NTM: variants seen among roughly 807,000 people sequenced by gnomAD.
NTM encodes the protein neurotrimin, also known as IgLON family member 2.
In NTM, 13 loss-of-function variants were observed where a neutral mutation model predicts 42.1. The observed-to-expected ratio is 0.31, with a 90% CI of 0.20 to 0.49. NTM has a LOEUF of 0.49. Among genes scored for constraint, NTM ranks in the 20% least tolerant of loss-of-function variants. The pLI, the probability that NTM is intolerant of heterozygous loss-of-function variation, is 0.99. For synonymous variants in NTM, 187 were observed against 179.2 expected, an observed-to-expected ratio of 1.04 and a Z score of -0.35; for missense variants, 373 against 452.8, an observed-to-expected ratio of 0.82 and a Z score of 1.60.
chr11:132,098,987 T>C (rs181727763), intron 2 of NTM, among the ~76,000 whole-genome samples: 1 of 152,378 alleles, frequency 6.6e-6, no homozygotes, highest in East Asian at 1.9e-4. Flanking sequence ...TTTTGTCTTC[T>C]TTATAAAAGG....
chr11:131,777,675 C>A (rs1406459778), intron 1 of NTM, among the ~76,000 whole-genome samples: 1 of 151,934 alleles, frequency 6.6e-6, no homozygotes, highest in Non-Finnish European at 1.5e-5. Flanking sequence ...CAGCAAGTTC[C>A]CTCTAGTTTC....
chr11:131,498,879 CG>C (rs1167336405), intron 1 of NTM, among the ~76,000 whole-genome samples: 1 of 152,182 alleles, frequency 6.6e-6, no homozygotes, highest in African/African-American at 2.4e-5. Flanking sequence ...GCTCATGCCA[CG>C]GGGACTTCTG....
rs1403558224 is a variant in NTM, at chr11:131,698,960, G to C, written c.83-212604G>C. 2.6e-5 allele frequency among the ~76,000 whole-genome samples: 4 copies of C among 152,204 alleles called. No homozygotes were observed. In the East Asian group the frequency reaches 7.7e-4, roughly 29 times the overall value. ...TGTGGTCTTTGGAGCCATGAATGGA[G>C]AATTAGGGAATTAGGGAAACATGAG... On this transcript the variant is annotated intron_variant, in intron 1 of 8. Transcript: ENST00000683400.
chr11:131,560,689 A>G (rs887413160), intron 1 of NTM, among the ~76,000 whole-genome samples: 3 of 152,254 alleles, frequency 2.0e-5, no homozygotes, highest in African/African-American at 7.2e-5. Context: ...CATCTCAATA[A>G]GCACAACCAT....
chr11:131,585,099 G>A (rs138057007), intron 1 of NTM, among the ~76,000 whole-genome samples: 1 of 152,332 alleles, frequency 6.6e-6, no homozygotes, highest in East Asian at 1.9e-4. Flanking sequence ...TGGACGGATG[G>A]GAGGAGGAGG....
intron 3 of NTM, among the ~76,000 whole-genome samples, chr11:132,157,842 T>G (rs1366666597): frequency 1.3e-5 from 2 of 152,212 alleles, no homozygotes; most frequent in Non-Finnish European, 2.9e-5. Flanking sequence ...GTGGCTCATG[T>G]GAAAGCTGCA....
chr11:132,321,646 G>A (rs1424130603), intron 7 of NTM, among the ~76,000 whole-genome samples: 11 of 152,122 alleles, frequency 7.2e-5, no homozygotes, highest in Non-Finnish European at 1.6e-4. Flanking sequence ...TAGCAAGGCA[G>A]GCCAACATTC....
chr11:132,066,857 T>C (rs2056579295), intron 2 of NTM, among the ~76,000 whole-genome samples: 1 of 152,216 alleles, frequency 6.6e-6, no homozygotes, highest in South Asian at 2.1e-4. Context: ...TAATTGCATC[T>C]GTAAATTACC....
chr11:131,777,141 A>G (rs539925962), intron 1 of NTM: 2 of 787,756 alleles, frequency 2.5e-6, no homozygotes, highest in South Asian at 5.8e-5. Flanking sequence ...TATATATTGC[A>G]TATAACATCT....
intron 1 of NTM, among the ~76,000 whole-genome samples, chr11:131,890,510 C>T (rs1053617845): frequency 6.6e-6 from 1 of 152,164 alleles, no homozygotes; most frequent in Admixed American, 6.5e-5. Flanking sequence ...CTCATGAGCG[C>T]TCTCCTTTTT....
At chr11:131,886,317 A>G (rs939527578) in intron 1 of NTM, among the ~76,000 whole-genome samples, 2 of 152,146 alleles carry the variant, frequency 1.3e-5, no homozygotes, top group Non-Finnish European at 2.9e-5. Context: ...AGGGCCTTGG[A>G]CCTCCTGGCT....
chr11:131,654,466 C>A (rs2066917316), intron 1 of NTM, among the ~76,000 whole-genome samples: 1 of 151,990 alleles, frequency 6.6e-6, no homozygotes, highest in South Asian at 2.1e-4. Context: ...TCTCAGGGTT[C>A]CATCTAATGC....
At chr11:131,644,410 C>T (rs2065517312) in intron 1 of NTM, among the ~76,000 whole-genome samples, 1 of 152,152 alleles carries the variant, frequency 6.6e-6, no homozygotes, top group African/African-American at 2.4e-5. Context: ...AGGGAGTTTC[C>T]CATTCTGTTC....
At chr11:131,822,012 A>G (rs909078788) in intron 1 of NTM, among the ~76,000 whole-genome samples, 3 of 152,178 alleles carry the variant, frequency 2.0e-5, no homozygotes, top group Non-Finnish European at 4.4e-5. Flanking sequence ...TCCTTCCTTT[A>G]TCAATAAAAG....
chr11:131,385,519 A>G (rs1744916138), intron 1 of NTM, among the ~76,000 whole-genome samples: 1 of 152,146 alleles, frequency 6.6e-6, no homozygotes, highest in Non-Finnish European at 1.5e-5. Context: ...GGGAATGTAA[A>G]GTGATGCAAC....
At chr11:131,626,450 A>C (rs917906713) in intron 1 of NTM, among the ~76,000 whole-genome samples, 7 of 152,216 alleles carry the variant, frequency 4.6e-5, no homozygotes, top group African/African-American at 1.7e-4. Context: ...AATACATAGT[A>C]GTTGCTGATT....
chr11:132,005,178 A>C (rs1052397536), intron 2 of NTM, among the ~76,000 whole-genome samples: 1 of 152,172 alleles, frequency 6.6e-6, no homozygotes, highest in Non-Finnish European at 1.5e-5. Flanking sequence ...GGTCCCATGC[A>C]TGGAGATTGT....
chr11:132,329,086 T>C (rs911117832), intron 7 of NTM, among the ~76,000 whole-genome samples: 3 of 152,160 alleles, frequency 2.0e-5, no homozygotes, highest in African/African-American at 7.2e-5. Flanking sequence ...AGATTGAAGG[T>C]GTGAATGCAC....
intron 2 of NTM, among the ~76,000 whole-genome samples, chr11:132,070,326 A>G (rs2057355976): frequency 6.9e-6 from 1 of 143,950 alleles, no homozygotes; most frequent in Non-Finnish European, 1.5e-5. Context: ...ATCACAGGTT[A>G]GTTTACACGT....
Sources: gnomAD v4.1 joint callset for allele counts (sites outside exome capture counted in the v4.1 genomes callset) on GRCh38, gnomAD v4.1.1 for gene constraint, MANE v1.5 for transcripts, NCBI Gene and HGNC (gene_info 2026-07-23, HGNC 2026-07-21) for gene names.